The following MAPT variants were observed in gnomAD, a reference collection of about 807,000 sequenced individuals.
MAPT encodes the protein microtubule-associated protein tau.
MAPT carries 34 observed loss-of-function variants against 67.9 expected under a neutral mutation model. That is an observed-to-expected ratio of 0.50 (90% CI 0.38 to 0.67). The LOEUF (loss-of-function observed/expected upper bound fraction) is 0.67, where lower values mean the gene tolerates loss of function less well. Ranked by LOEUF, MAPT falls within the 30% of genes least tolerant of loss-of-function variation. MAPT has a pLI of 0.00. For synonymous variants in MAPT, 456 were observed against 464.5 expected (o/e 0.98, Z 0.23); for missense variants, 881 against 1,115.2 (o/e 0.79, Z 2.99).
chr17:45,938,463 GCTCA>G (rs2067558500), intron 1 of MAPT, among the ~76,000 whole-genome samples: 1 of 152,112 alleles, frequency 6.6e-6, no homozygotes, highest in Non-Finnish European at 1.5e-5. Flanking sequence ...ATTACTTTGG[GCTCA>G]CTCTGATAAT....
intron 1 of MAPT, among the ~76,000 whole-genome samples, chr17:45,947,162 T>G (rs1197525670): frequency 6.6e-6 from 1 of 152,068 alleles, no homozygotes; most frequent in Non-Finnish European, 1.5e-5. Context: ...TTCAGAGCTC[T>G]TCAAGGGCCA....
Position 45,896,922 on chromosome 17 carries a change from G to C in MAPT, c.-18+2236G>C, listed in dbSNP as rs1405414164. 6.6e-6 allele frequency: 1 copy of C among 152,066 alleles called. No homozygotes were observed. The highest frequency in any genetic ancestry group is 1.5e-5 in the Non-Finnish European group (1 of 68,012). 9.4% of individuals were successfully genotyped at this position (152,066 alleles called of 1,614,324 possible). A position where few individuals can be genotyped will look rare whatever the true frequency, so the allele number is the denominator to read the frequency against. On this transcript the variant is annotated intron_variant, in intron 1 of 12. Coordinates refer to ENST00000262410, the MANE Select transcript of MAPT (RefSeq NM_001377265.1). This position sits in a 1 kb window ranked among gnomAD's most constrained non-coding sequence, Gnocchi z 5.6. Reference sequence around the variant, plus strand: ...TAATTCTATCGCTGAAAACTGGTGCGGGGGGCGCACTTCTGAGACGGAAGA... The same window carrying C: ...TAATTCTATCGCTGAAAACTGGTGCCGGGGGCGCACTTCTGAGACGGAAGA...
chr17:45,944,533 G>A (rs2068289457), intron 1 of MAPT, among the ~76,000 whole-genome samples: 1 of 152,194 alleles, frequency 6.6e-6, no homozygotes, highest in Non-Finnish European at 1.5e-5. Flanking sequence ...TCATGGGTGA[G>A]CTCCAGGTCC....
chr17:45,948,528 G>A (rs1026817065), intron 1 of MAPT, among the ~76,000 whole-genome samples: 19 of 152,136 alleles, frequency 1.2e-4, no homozygotes, highest in African/African-American at 4.6e-4. Context: ...AGTTCTGTTG[G>A]GCCAGCCCTT....
Position 46,023,983 on chromosome 17 carries a change from G to A in MAPT, c.2314G>A (p.Glu772Lys). The change falls in exon 13 of 13, where the codon GAG (glutamate) becomes AAG (lysine). Residue 772 changes from glutamate to lysine, a missense_variant. Physicochemically the swap from Glu to Lys is moderately conservative, Grantham distance 56. Coordinates refer to ENST00000262410, the MANE Select transcript of MAPT (RefSeq NM_001377265.1). ...TGAAACCCACAAGCTGACCTTCCGC[G>A]AGAACGCCAAAGCCAAGACAGACCA... ...KIETHKLTFR[E>K]NAKAKTDHGA... is the part of the protein sequence containing the mutation. 4.3e-6 allele frequency: 7 copies of A among 1,614,086 alleles called. No individual in the cohort carries two copies. Among genetic ancestry groups the A allele is most frequent in the Non-Finnish European group, 5.1e-6 (6 of 1,180,034 alleles).
intron 1 of MAPT, among the ~76,000 whole-genome samples, chr17:45,905,645 A>G (rs1212103121): frequency 1.3e-5 from 2 of 152,216 alleles, no homozygotes; most frequent in Non-Finnish European, 2.9e-5. Context: ...GGCCCCTGTT[A>G]TCACTGGCTG....
chr17:45,953,686 G>T (rs2069316465), intron 1 of MAPT, among the ~76,000 whole-genome samples: 1 of 152,174 alleles, frequency 6.6e-6, no homozygotes, highest in Admixed American at 6.5e-5. Context: ...GCCCTGCAGG[G>T]ATGGTGGAGG....
intron 1 of MAPT, among the ~76,000 whole-genome samples, chr17:45,928,687 TTTTGTTTG>T (rs1014875700): frequency 6.6e-6 from 1 of 152,032 alleles, no homozygotes; most frequent in African/African-American, 2.4e-5. Flanking sequence ...CATATATATA[TTTTGTTTG>T]TTTGTTTGTT....
chr17:45,974,257 G>A (rs1269341731), intron 3 of MAPT: 13 of 729,594 alleles, frequency 1.8e-5, no homozygotes, highest in Non-Finnish European at 3.2e-5. Context: ...CTTCAGGGCT[G>A]CTTTCTGGCA....
intron 12 of MAPT, among the ~76,000 whole-genome samples, chr17:46,021,311 C>A (rs1568343701): frequency 1.3e-5 from 2 of 152,222 alleles, no homozygotes; most frequent in African/African-American, 4.8e-5. Context: ...GACCAGGAGG[C>A]TGTCCGCCTC....
chr17:46,026,350 T>G lies in MAPT; in HGVS notation c.*2179T>G, dbSNP rs937021714. 6.6e-6 allele frequency: 1 copy of G among 152,670 alleles called. No individual in the cohort carries two copies. The highest frequency in any genetic ancestry group is 1.5e-5 in the Non-Finnish European group (1 of 68,114). 9.5% of individuals were successfully genotyped at this position (152,670 alleles called of 1,614,324 possible). Reference sequence around the variant, plus strand: ...TTAGGACTGAAGCGATGATGTCCCCTTCCCTACTTCCCCTTGGGGCTCCCT... The same window carrying G: ...TTAGGACTGAAGCGATGATGTCCCCGTCCCTACTTCCCCTTGGGGCTCCCT... On this transcript the variant is annotated 3_prime_UTR_variant, in exon 13 of 13. Transcript: ENST00000262410.
At chr17:45,933,097 A>G (rs1568192448) in intron 1 of MAPT, among the ~76,000 whole-genome samples, 1 of 151,996 alleles carries the variant, frequency 6.6e-6, no homozygotes, top group Non-Finnish European at 1.5e-5. Context: ...AAACAAACAA[A>G]AAAAAAAACC....
intron 9 of MAPT, among the ~76,000 whole-genome samples, chr17:46,002,021 C>T (rs966672436): frequency 6.6e-6 from 1 of 152,196 alleles, no homozygotes; most frequent in African/African-American, 2.4e-5. Flanking sequence ...AACACTGCAA[C>T]GTGGAGCTCT....
At position 45,962,032 on chromosome 17, in the gene MAPT, C is replaced by G. The variant is rs566131229; in HGVS notation, c.-17-289C>G. Among the ~76,000 whole-genome samples, 121 of 152,252 alleles carry G rather than the reference C, an allele frequency of 7.9e-4. 1 individual carries two copies. Among genetic ancestry groups the G allele is most frequent in the Non-Finnish European group, 1.5e-3 (99 of 68,004 alleles). On this transcript the variant is annotated intron_variant, in intron 1 of 12. Coordinates refer to ENST00000262410, the MANE Select transcript of MAPT (RefSeq NM_001377265.1). ...TCAGGTGATCCACCCACCTCGGCCT[C>G]CCAAAGTGCTGAGATCACAGGCGTG... is the stretch of plus-strand genomic sequence containing the variant.
Position 45,983,102 on chromosome 17 carries a change from G to T in MAPT, c.523G>T (p.Gly175Ter), listed in dbSNP as rs1301865364. Residue 175 changes from glycine (G) to a stop codon, truncating the protein, a stop_gained, in exon 5 of 13, where the codon GGA (glycine) becomes TGA (stop). Transcript: ENST00000262410. LOFTEE classifies it high-confidence loss of function. Reference protein sequence around the residue: ...GGPQEPSLEWGQKGGDWAEKG... With the variant: ...GGPQEPSLEW ...CCCTCAGGAGCCCTCCCTGGAGTGG[G>T]GACAAAAAGGCGGGGACTGGGCCGA... 6.4e-7 allele frequency: 1 copy of T among 1,554,380 alleles called. No individual in the cohort carries two copies. Among genetic ancestry groups the T allele is most frequent in the African/African-American group, 1.4e-5 (1 of 73,892 alleles).
chr17:46,002,755 G>A (rs886712830), intron 9 of MAPT, among the ~76,000 whole-genome samples: 2 of 152,120 alleles, frequency 1.3e-5, no homozygotes, highest in African/African-American at 4.8e-5. Flanking sequence ...CCGCAGCCTG[G>A]GTGGCTGCTT....
intron 1 of MAPT, among the ~76,000 whole-genome samples, chr17:45,924,162 G>A (rs2066032195): frequency 6.6e-6 from 1 of 151,918 alleles, no homozygotes. Context: ...CAGCAGAGCT[G>A]CACGAAGAGG....
chr17:45,904,329 TTATATATTATATATATATTA>T lies in MAPT; in HGVS notation c.-18+9660_-18+9679del, dbSNP rs1568136200. Among the ~76,000 whole-genome samples, 125 of 62,242 alleles carry T rather than the reference TTATATATTATATATATATTA, an allele frequency of 2.0e-3. 3 individuals carry two copies. The highest frequency in any genetic ancestry group is 6.2e-3 in the African/African-American group (118 of 19,116). 40.8% of individuals were successfully genotyped at this position (62,242 alleles called of 152,430 possible). On this transcript the variant is annotated intron_variant, in intron 1 of 12. Coordinates refer to ENST00000262410, the MANE Select transcript of MAPT (RefSeq NM_001377265.1). ...TATATAAAAACATATATAATATATA[TTATATATTATATATATATTA>T]TATATATTATATATATTAAATATAT...
chr17:45,916,683 C>G (rs1344954813), intron 1 of MAPT, among the ~76,000 whole-genome samples: 1 of 152,246 alleles, frequency 6.6e-6, no homozygotes, highest in Non-Finnish European at 1.5e-5. Context: ...CCCAGTCCTC[C>G]CCAACTTCTG....
Sources: gnomAD v4.1 joint callset for allele counts (sites outside exome capture counted in the v4.1 genomes callset) on GRCh38, gnomAD v4.1.1 for gene constraint, Gnocchi (gnomAD v3.1) non-coding constraint, MANE v1.5 for transcripts, NCBI Gene and HGNC (gene_info 2026-07-23, HGNC 2026-07-21) for gene names.